The following ATRNL1 variants were observed in gnomAD, a reference collection of about 807,000 sequenced individuals.
The protein encoded by ATRNL1 is attractin-like protein 1.
Under a neutral mutation model 182.7 loss-of-function variants are expected in ATRNL1, and 95 were observed. The observed-to-expected ratio is 0.52, with a 90% confidence interval of 0.44 to 0.62. ATRNL1 has a LOEUF of 0.62. Ranked by LOEUF, ATRNL1 falls within the 20% of genes least tolerant of loss-of-function variation. The pLI is 0.00. For missense variants in ATRNL1, 1,471 were observed against 1,679.5 expected (o/e 0.88, Z 2.17); for synonymous variants, 576 against 568.3 (o/e 1.01, Z -0.19).
intron 20 of ATRNL1, among the ~76,000 whole-genome samples, chr10:115,398,657 A>G (rs1312503372): frequency 6.6e-6 from 1 of 151,926 alleles, no homozygotes; most frequent in Non-Finnish European, 1.5e-5. Flanking sequence ...GCAAGCAGGG[A>G]TAGTTTGACT....
At chr10:115,261,597 A>G (rs2133870776) in intron 10 of ATRNL1, among the ~76,000 whole-genome samples, 1 of 152,336 alleles carries the variant, frequency 6.6e-6, no homozygotes, top group Non-Finnish European at 1.5e-5. Context: ...GAGAAATAGC[A>G]GTAGATATAC....
At chr10:115,840,872 G>GCT (rs1279183622) in intron 27 of ATRNL1, among the ~76,000 whole-genome samples, 4 of 151,994 alleles carry the variant, frequency 2.6e-5, no homozygotes, top group Non-Finnish European at 5.9e-5. Flanking sequence ...CTGGGCATGA[G>GCT]CAAGATGGGA....
chr10:115,730,496 G>T (rs1947763568), intron 27 of ATRNL1, among the ~76,000 whole-genome samples: 1 of 151,836 alleles, frequency 6.6e-6, no homozygotes. Flanking sequence ...GAATTTTTCA[G>T]TATTTTCTCC....
intron 8 of ATRNL1, among the ~76,000 whole-genome samples, chr10:115,174,923 G>A (rs1847439479): frequency 6.6e-6 from 1 of 151,818 alleles, no homozygotes; most frequent in Non-Finnish European, 1.5e-5. Context: ...TCTAGTAAAT[G>A]GCCCAAAGTT....
At chr10:115,320,994 C>A (rs1592444360) in intron 18 of ATRNL1, among the ~76,000 whole-genome samples, 1 of 152,054 alleles carries the variant, frequency 6.6e-6, no homozygotes, top group Non-Finnish European at 1.5e-5. Context: ...GTTGTTGATT[C>A]TTTCTCATCT....
intron 20 of ATRNL1, among the ~76,000 whole-genome samples, chr10:115,408,384 A>C (rs1554958913): frequency 6.6e-6 from 1 of 152,142 alleles, no homozygotes; most frequent in Non-Finnish European, 1.5e-5. Context: ...TGTTTTGAGA[A>C]ATGTCTGTTC....
chr10:115,895,823 G>A (rs1248741785), intron 28 of ATRNL1, among the ~76,000 whole-genome samples: 1 of 152,146 alleles, frequency 6.6e-6, no homozygotes, highest in Non-Finnish European at 1.5e-5. Flanking sequence ...CCTTCCCAAC[G>A]GAGCTGATGC....
At chr10:115,865,786 T>G (rs1359672597) in intron 28 of ATRNL1, among the ~76,000 whole-genome samples, 1 of 152,190 alleles carries the variant, frequency 6.6e-6, no homozygotes, top group Non-Finnish European at 1.5e-5. Flanking sequence ...AGGCTTTGTC[T>G]GCTAGGCCAC....
intron 8 of ATRNL1, among the ~76,000 whole-genome samples, chr10:115,177,386 G>T (rs545868378): frequency 1.2e-4 from 19 of 152,234 alleles, no homozygotes; most frequent in Non-Finnish European, 2.2e-4. Flanking sequence ...AGCAGAAACT[G>T]GCAAGAAACT....
At chr10:115,412,310 G>A (rs1845179929) in intron 20 of ATRNL1, among the ~76,000 whole-genome samples, 1 of 152,024 alleles carries the variant, frequency 6.6e-6, no homozygotes, top group African/African-American at 2.4e-5. Flanking sequence ...ATAGAAGCAG[G>A]CATATGCCTA....
intron 26 of ATRNL1, among the ~76,000 whole-genome samples, chr10:115,621,276 T>TATATATAC (rs1268020830): frequency 2.1e-5 from 1 of 47,594 alleles, no homozygotes; most frequent in Non-Finnish European, 4.2e-5. Flanking sequence ...TATATATATA[T>TATATATAC]AGAGAGAGAG....
intron 6 of ATRNL1, among the ~76,000 whole-genome samples, chr10:115,164,360 TATA>T (rs1405632955): frequency 2.0e-5 from 3 of 152,186 alleles, no homozygotes; most frequent in Non-Finnish European, 4.4e-5. Context: ...GGTTAATTTA[TATA>T]ATGCTAAGAT....
chr10:115,801,836 A>G (rs72828808), intron 27 of ATRNL1, among the ~76,000 whole-genome samples: 33 of 152,244 alleles, frequency 2.2e-4, no homozygotes, highest in African/African-American at 4.3e-4. Flanking sequence ...AAATAATTCA[A>G]CTTTCACAGT....
intron 1 of ATRNL1, among the ~76,000 whole-genome samples, chr10:115,117,339 T>G (rs1554870292): frequency 6.6e-6 from 1 of 151,882 alleles, no homozygotes; most frequent in African/African-American, 2.4e-5. Context: ...CATCCCTACC[T>G]CCTCCTCACT....
intron 27 of ATRNL1, among the ~76,000 whole-genome samples, chr10:115,774,874 T>C (rs1483878743): frequency 2.1e-5 from 3 of 145,224 alleles, no homozygotes; most frequent in South Asian, 2.2e-4. Flanking sequence ...TCATGGTTTG[T>C]TTTTTTTTTT....
intron 26 of ATRNL1, among the ~76,000 whole-genome samples, chr10:115,645,133 C>T (rs1245147278): frequency 6.6e-6 from 1 of 151,950 alleles, no homozygotes; most frequent in Non-Finnish European, 1.5e-5. Context: ...CTGAAGCACA[C>T]TTAAGGTTTT....
intron 10 of ATRNL1, among the ~76,000 whole-genome samples, chr10:115,252,114 T>A (rs1014312360): frequency 1.3e-5 from 2 of 151,946 alleles, no homozygotes; most frequent in Non-Finnish European, 2.9e-5. Flanking sequence ...GCAACCTCTG[T>A]CTCCCGGGTT....
intron 26 of ATRNL1, among the ~76,000 whole-genome samples, chr10:115,709,350 T>C (rs1311524883): frequency 6.6e-6 from 1 of 151,908 alleles, no homozygotes; most frequent in African/African-American, 2.4e-5. Flanking sequence ...CTGAAATATA[T>C]GTAATGAAGA....
intron 19 of ATRNL1, among the ~76,000 whole-genome samples, chr10:115,343,559 C>T (rs555461308): frequency 6.6e-6 from 1 of 152,090 alleles, no homozygotes; most frequent in Non-Finnish European, 1.5e-5. Context: ...CTTTGAGTTT[C>T]GTGAACACAG....
Sources: allele counts gnomAD v4.1 joint callset (sites outside exome capture counted in the v4.1 genomes callset), GRCh38; gene constraint gnomAD v4.1.1; transcripts MANE v1.5; gene names NCBI Gene and HGNC (gene_info 2026-07-23, HGNC 2026-07-21).